The following EPC1 variants were observed in gnomAD, a reference collection of about 807,000 sequenced individuals.
EPC1 encodes enhancer of polycomb homolog 1.
In EPC1, 12 loss-of-function variants were observed where a neutral mutation model predicts 98.4. That is an observed-to-expected ratio of 0.12 (90% CI 0.08 to 0.20). The LOEUF (loss-of-function observed/expected upper bound fraction) is 0.20. EPC1 is among the 10% of genes least tolerant of loss of function. The probability of loss-of-function intolerance (pLI) is 1.00; values close to 1 mark genes in which losing one functional copy is unlikely to be tolerated. For missense variants in EPC1, 729 were observed against 990.5 expected, an observed-to-expected ratio of 0.74 and a Z score of 3.54; for synonymous variants, 357 against 363.9, an observed-to-expected ratio of 0.98 and a Z score of 0.21.
At position 32,287,167 on chromosome 10, in the gene EPC1, C is replaced by T; in HGVS notation, c.1083G>A (p.Leu361=). ...ATPQQTSPAA[L]PVFNAKDLNQ... ...TCAGATCTTTAGCATTGAAGACTGG[C>T]AGTGCAGCAGGACTCGTCTGTTGGG... The change falls in exon 7 of 14, where the codon CTG becomes CTA. Residue 361 remains leucine (L), a synonymous_variant. Transcript: ENST00000319778. 3 of 1,614,136 alleles carry T rather than the reference C, an allele frequency of 1.9e-6. No individual in the cohort carries two copies. The highest frequency in any genetic ancestry group is 2.5e-6 in the Non-Finnish European group (3 of 1,180,026).
chr10:32,279,032 T>C (rs2132666697), intron 10 of EPC1, among the ~76,000 whole-genome samples: 1 of 152,298 alleles, frequency 6.6e-6, no homozygotes, highest in African/African-American at 2.4e-5. Context: ...ACAGATGTTA[T>C]ATAATAATCC....
chr10:32,297,165 G>A (rs1189175134), intron 2 of EPC1, among the ~76,000 whole-genome samples: 2 of 151,868 alleles, frequency 1.3e-5, no homozygotes, highest in African/African-American at 2.4e-5. Flanking sequence ...GATTTTCTGG[G>A]TCATGTTATT....
At chr10:32,345,042 C>T (rs1430694168) in intron 1 of EPC1, 2 of 684,130 alleles carry the variant, frequency 2.9e-6, no homozygotes, top group Non-Finnish European at 3.6e-6. Context: ...AGGGTAAAAC[C>T]AACACCCCAA....
intron 1 of EPC1, among the ~76,000 whole-genome samples, chr10:32,373,450 T>A (rs780642726): frequency 6.6e-6 from 1 of 152,212 alleles, no homozygotes; most frequent in Non-Finnish European, 1.5e-5. Flanking sequence ...ATAAAGCAAT[T>A]AAGTGCTAAC....
At chr10:32,312,956 G>A (rs1399433603) in intron 1 of EPC1, among the ~76,000 whole-genome samples, 1 of 152,110 alleles carries the variant, frequency 6.6e-6, no homozygotes, top group Admixed American at 6.6e-5. Flanking sequence ...GATTATACAA[G>A]TGTAAATTAC....
chr10:32,326,569 G>T (rs1837292869), intron 1 of EPC1, among the ~76,000 whole-genome samples: 1 of 152,048 alleles, frequency 6.6e-6, no homozygotes, highest in African/African-American at 2.4e-5. Flanking sequence ...TGGAGATAGG[G>T]TACTATTATA....
At chr10:32,304,444 T>C (rs1426519296) in intron 2 of EPC1, among the ~76,000 whole-genome samples, 3 of 152,238 alleles carry the variant, frequency 2.0e-5, no homozygotes, top group African/African-American at 7.2e-5. Context: ...AACAACTTTT[T>C]AGGTTCTAAT....
At chr10:32,367,548 T>C (rs2505358) in intron 1 of EPC1, among the ~76,000 whole-genome samples, 2 of 151,750 alleles carry the variant, frequency 1.3e-5, no homozygotes, top group African/African-American at 4.8e-5. Flanking sequence ...AAATAACATG[T>C]ATATTAAACT....
chr10:32,378,696 G>A, exon 1 of EPC1: 1 of 490,448 alleles, frequency 2.0e-6, no homozygotes, highest in Non-Finnish European at 3.7e-6. Flanking sequence ...TGGGCTTTTG[G>A]GGGAAATCGG....
At chr10:32,275,399 C>T (rs1033864354) in intron 10 of EPC1, among the ~76,000 whole-genome samples, 2 of 152,142 alleles carry the variant, frequency 1.3e-5, no homozygotes, top group Non-Finnish European at 2.9e-5. Flanking sequence ...TTTGGGAGGC[C>T]GAGGTGGGTG....
At chr10:32,273,722 C>T (rs1229934102) in intron 10 of EPC1, among the ~76,000 whole-genome samples, 1 of 151,888 alleles carries the variant, frequency 6.6e-6, no homozygotes, top group Non-Finnish European at 1.5e-5. Context: ...TCAGATGATC[C>T]CTAATGGCTC....
In EPC1 at chr10:32,287,184, T is replaced by C; in HGVS notation, c.1066A>G (p.Thr356Ala). Residue 356 changes from threonine (T) to alanine (A), a missense_variant, in exon 7 of 14, where the codon ACG (threonine) becomes GCG (alanine). Thr to Ala is a moderately conservative substitution (Grantham distance 58, BLOSUM62 0). This residue lies in a region of EPC1 where 390 missense variants were observed against 438.6 expected (regional missense o/e 0.89). Transcript: ENST00000319778. ...PSSAAATPQQ[T>A]SPAALPVFNA... ...AAGACTGGCAGTGCAGCAGGACTCG[T>C]CTGTTGGGGAGTAGCAGCGGCAGAC... 1 of 1,614,134 alleles carries C rather than the reference T, an allele frequency of 6.2e-7. No individual in the cohort carries two copies. Among genetic ancestry groups the C allele is most frequent in the Non-Finnish European group, 8.5e-7 (1 of 1,180,020 alleles).
At chr10:32,352,241 G>A (rs1839135347) in intron 1 of EPC1, among the ~76,000 whole-genome samples, 1 of 150,458 alleles carries the variant, frequency 6.6e-6, no homozygotes, top group Non-Finnish European at 1.5e-5. Context: ...TAGAGATGGG[G>A]TTTCACTGTG....
intron 2 of EPC1, among the ~76,000 whole-genome samples, chr10:32,294,315 A>G (rs1169592551): frequency 6.6e-6 from 1 of 152,244 alleles, no homozygotes; most frequent in African/African-American, 2.4e-5. Flanking sequence ...GAATATTTGA[A>G]TACGTATAAT....
chr10:32,343,374 C>A (rs946774918), intron 1 of EPC1, among the ~76,000 whole-genome samples: 7 of 152,234 alleles, frequency 4.6e-5, no homozygotes, highest in African/African-American at 1.4e-4. Context: ...CCACGGCTGG[C>A]TAATTTTTGT....
intron 2 of EPC1, among the ~76,000 whole-genome samples, chr10:32,299,235 G>C (rs1464714159): frequency 2.0e-5 from 3 of 152,040 alleles, no homozygotes; most frequent in African/African-American, 7.3e-5. Context: ...ACCCAGACTG[G>C]AGTGCAGTGG....
At chr10:32,337,441 T>G (rs891267243) in intron 1 of EPC1, among the ~76,000 whole-genome samples, 2 of 152,342 alleles carry the variant, frequency 1.3e-5, no homozygotes, top group East Asian at 1.9e-4. Flanking sequence ...CCTGTGAATA[T>G]CTGGAGCTCT....
At chr10:32,286,589 T>C (rs1836689537) in intron 9 of EPC1, 105 bp downstream of exon 9, 5 of 1,315,528 alleles carry the variant, frequency 3.8e-6, no homozygotes, top group Non-Finnish European at 4.2e-6. Flanking sequence ...GAATAGCAAA[T>C]AGGAACTAAT....
chr10:32,352,105 C>G (rs866303700), upstream of EPC1, among the ~76,000 whole-genome samples: 2 of 143,708 alleles, frequency 1.4e-5, no homozygotes, highest in Admixed American at 1.5e-4. Context: ...AGTGCAGTGG[C>G]GCAATCTCGG....
Sources: allele counts gnomAD v4.1 joint callset (sites outside exome capture counted in the v4.1 genomes callset), GRCh38; gene constraint gnomAD v4.1.1; regional missense constraint gnomAD v4.1.1; transcripts MANE v1.5; gene names NCBI Gene and HGNC (gene_info 2026-07-23, HGNC 2026-07-21).